MYO5C: variants seen among roughly 807,000 people sequenced by gnomAD.
MYO5C encodes unconventional myosin-Vc.
A neutral mutation model predicts 235.7 loss-of-function variants in MYO5C; 194 were observed. That is an observed-to-expected ratio of 0.82 (90% confidence interval 0.73 to 0.93). The LOEUF is 0.93. MYO5C is among the 40% of genes least tolerant of loss of function. MYO5C has a pLI of 0.00. For missense variants in MYO5C, 2,038 were observed against 2,127.2 expected, an observed-to-expected ratio of 0.96 and a Z score of 0.82; for synonymous variants, 707 against 754.8, an observed-to-expected ratio of 0.94 and a Z score of 1.04.
intron 25 of MYO5C, among the ~76,000 whole-genome samples, chr15:52,227,236 C>T (rs182586176): frequency 0.01 from 1,460 of 144,696 alleles, 32 homozygotes; most frequent in African/African-American, 0.036. Context: ...ACTCTGTCAC[C>T]CAGGCTGGAG....
chr15:52,278,808 G>A, intron 4 of MYO5C, 65 bp downstream of exon 4: 6 of 1,586,334 alleles, frequency 3.8e-6, no homozygotes, highest in South Asian at 1.1e-5. Flanking sequence ...CCTCCACTGT[G>A]ATGGTCTGGC....
intron 8 of MYO5C, 86 bp from the exon 9 acceptor site, chr15:52,264,382 A>G: frequency 9.6e-7 from 1 of 1,041,296 alleles, no homozygotes. Context: ...CAAGATATGC[A>G]GGTAGCATCA....
chr15:52,220,790 G>C (rs1289726926), intron 30 of MYO5C, among the ~76,000 whole-genome samples: 1 of 150,362 alleles, frequency 6.7e-6, no homozygotes, highest in South Asian at 2.1e-4. Flanking sequence ...TCGCACCATT[G>C]CATTCTAGCC....
Position 52,221,142 on chromosome 15 carries a change from T to A in MYO5C, c.3721+20A>T. Reference sequence around the variant, plus strand: ...CAGGAAACCGTTTTCTAAAAGCAGGTTAATGAGGGTTTCAGTTACCTTTCA... The same window carrying A: ...CAGGAAACCGTTTTCTAAAAGCAGGATAATGAGGGTTTCAGTTACCTTTCA... On this transcript the variant is annotated intron_variant, in intron 30 of 40. Coordinates refer to ENST00000261839, the MANE Select transcript of MYO5C (RefSeq NM_018728.4). 1 of 1,591,288 alleles carries A rather than the reference T, an allele frequency of 6.3e-7. No homozygotes were observed.
chr15:52,285,888 CA>C (rs2037254804), intron 1 of MYO5C, among the ~76,000 whole-genome samples: 1 of 152,186 alleles, frequency 6.6e-6, no homozygotes, highest in Non-Finnish European at 1.5e-5. Flanking sequence ...GCCCGGCCGC[CA>C]CCCCATCTGG....
intron 8 of MYO5C, among the ~76,000 whole-genome samples, chr15:52,264,815 G>A (rs2036767956): frequency 6.6e-6 from 1 of 152,210 alleles, no homozygotes; most frequent in Admixed American, 6.5e-5. Flanking sequence ...TAGCAGGAGA[G>A]CAGAGAGAGG....
intron 23 of MYO5C, 130 bp downstream of exon 23, chr15:52,235,540 G>C: frequency 1.6e-6 from 1 of 614,016 alleles, no homozygotes; most frequent in Non-Finnish European, 2.8e-6. Context: ...GCTATTCCTT[G>C]TGAGCAAAAA....
chr15:52,236,855 T>A (rs541027440), intron 22 of MYO5C: 1 of 152,346 alleles, frequency 6.6e-6, no homozygotes, highest in East Asian at 1.9e-4. Context: ...TCATTTTATA[T>A]AGGAGGAAAC....
chr15:52,196,233 T>C, intron 39 of MYO5C, 76 bp downstream of exon 39: 1 of 1,443,504 alleles, frequency 6.9e-7, no homozygotes, highest in East Asian at 2.4e-5. Context: ...CACAGCTGGC[T>C]AAACCAAGAA....
Position 52,275,699 on chromosome 15 carries a change from T to C in MYO5C, c.469A>G (p.Ile157Val), listed in dbSNP as rs767860865. The part of the protein sequence containing the change: ...QMARNNRNQS[I>V]IVSGESGAGK... ...GCACCTGACTCCCCACTTACAATTA[T>C]GGACTGGTTTCTGTTGTTTCTAAAG... Residue 157 changes from isoleucine to valine, a missense_variant, in exon 5 of 41, where the codon ATA becomes GTA. Physicochemically the swap from Ile to Val is conservative, Grantham distance 29. Transcript: ENST00000261839. 6.2e-7 allele frequency: 1 copy of C among 1,614,248 alleles called. No individual in the cohort carries two copies. The highest frequency in any genetic ancestry group is 8.5e-7 in the Non-Finnish European group (1 of 1,180,036).
chr15:52,251,248 A>T, intron 13 of MYO5C, 142 bp downstream of exon 13: 1 of 704,384 alleles, frequency 1.4e-6, no homozygotes, highest in South Asian at 5.3e-5. Context: ...AAAACAAATA[A>T]GGAACTGTTA....
chr15:52,204,195 C>A (rs74015629), intron 38 of MYO5C, among the ~76,000 whole-genome samples: 247 of 152,038 alleles, frequency 1.6e-3, no homozygotes, highest in African/African-American at 5.9e-3. Context: ...TATTCCAGAC[C>A]CTCCCAGTGT....
chr15:52,267,457 G>A (rs1411416764), intron 8 of MYO5C, among the ~76,000 whole-genome samples: 6 of 152,168 alleles, frequency 3.9e-5, no homozygotes, highest in South Asian at 2.1e-4. Flanking sequence ...AGACAGAGGC[G>A]GGCGGATCAC....
At chr15:52,269,386 A>ATTTTTTTTTTTTTTTTTTTTTTT (rs71130145) in intron 8 of MYO5C, among the ~76,000 whole-genome samples, 1 of 103,996 alleles carries the variant, frequency 9.6e-6, no homozygotes, top group Non-Finnish European at 1.8e-5. Flanking sequence ...CCACCTTTTA[A>ATTTTTTTTTTTTTTTTTTTTTTT]TTTTTTTTTT....
chr15:52,253,286 G>C, intron 12 of MYO5C, 31 bp downstream of exon 12: 3 of 1,593,608 alleles, frequency 1.9e-6, no homozygotes, highest in Non-Finnish European at 1.7e-6. Context: ...CTACTTAAAA[G>C]CTGAAAAAAA....
intron 38 of MYO5C, among the ~76,000 whole-genome samples, chr15:52,200,223 A>G (rs1448802487): frequency 6.6e-6 from 1 of 152,170 alleles, no homozygotes; most frequent in African/African-American, 2.4e-5. Context: ...GTCTGACCCA[A>G]GTGCATTGTC....
intron 24 of MYO5C, among the ~76,000 whole-genome samples, chr15:52,231,824 G>A (rs989262291): frequency 6.6e-5 from 10 of 152,182 alleles, no homozygotes; most frequent in Admixed American, 5.2e-4. Flanking sequence ...TAAGAGAAGG[G>A]AAGCCCAGAT....
chr15:52,254,455 G>T (rs1164970112), intron 11 of MYO5C, among the ~76,000 whole-genome samples: 1 of 152,176 alleles, frequency 6.6e-6, no homozygotes, highest in South Asian at 2.1e-4. Flanking sequence ...GAGAGGAGAA[G>T]GTGGCACCGG....
In MYO5C at chr15:52,286,728, A is replaced by G. The variant is rs192755369; in HGVS notation, c.28-3836T>C. Among the ~76,000 whole-genome samples the G allele has an allele frequency of 4.3e-3, 648 of 152,114 alleles. 2 individuals carry two copies. The highest frequency in any genetic ancestry group is 6.6e-3 in the Non-Finnish European group (449 of 67,986). Reference sequence around the variant, plus strand: ...GGTGCAAGATGTGCTTTGTTAAACAAATGCTTGAAGGCAGCATGCTCGTTG... The same window carrying G: ...GGTGCAAGATGTGCTTTGTTAAACAGATGCTTGAAGGCAGCATGCTCGTTG... On this transcript the variant is annotated intron_variant, in intron 1 of 40. Transcript: ENST00000261839.
Sources: gnomAD v4.1 joint callset for allele counts (sites outside exome capture counted in the v4.1 genomes callset) on GRCh38, gnomAD v4.1.1 for gene constraint, MANE v1.5 for transcripts, NCBI Gene and HGNC (gene_info 2026-07-23, HGNC 2026-07-21) for gene names.